The following GRID2 variants were observed in gnomAD, a reference collection of about 807,000 sequenced individuals.
The protein encoded by GRID2 is glutamate receptor ionotropic, delta-2.
In GRID2, 33 loss-of-function variants were observed where a neutral mutation model predicts 114.8. That is an observed-to-expected ratio of 0.29 (90% CI 0.22 to 0.38). The LOEUF (loss-of-function observed/expected upper bound fraction) is 0.38, where lower values mean the gene tolerates loss of function less well. Among genes scored for constraint, GRID2 ranks in the 10% least tolerant of loss-of-function variants. The pLI is 1.00. For synonymous variants in GRID2, 505 were observed against 449.9 expected (o/e 1.12, Z -1.55); for missense variants, 1,184 against 1,257.7 (o/e 0.94, Z 0.89).
intron 9 of GRID2, among the ~76,000 whole-genome samples, chr4:93,408,415 G>T (rs1226404833): frequency 1.3e-5 from 2 of 151,732 alleles, no homozygotes. Flanking sequence ...TTTCATCTAG[G>T]CAGGAAAGCA....
intron 4 of GRID2, among the ~76,000 whole-genome samples, chr4:93,122,890 GTTT>G (rs886185779): frequency 5.7e-5 from 4 of 69,804 alleles, no homozygotes; most frequent in Non-Finnish European, 1.0e-4. Context: ...ACAGATGTGG[GTTT>G]TTTTTTTTTT....
At chr4:92,715,750 C>G (rs1735513946) in intron 2 of GRID2, among the ~76,000 whole-genome samples, 1 of 152,126 alleles carries the variant, frequency 6.6e-6, no homozygotes, top group Non-Finnish European at 1.5e-5. Flanking sequence ...CCCAGTGATT[C>G]ACATACGTAT....
chr4:93,547,077 A>C (rs899058637), intron 13 of GRID2, among the ~76,000 whole-genome samples: 3 of 152,172 alleles, frequency 2.0e-5, no homozygotes, highest in Non-Finnish European at 4.4e-5. Flanking sequence ...AGCCAAGGCA[A>C]CCCTGTTCTC....
chr4:92,744,221 C>T (rs567979604), intron 2 of GRID2, among the ~76,000 whole-genome samples: 57 of 152,170 alleles, frequency 3.7e-4, no homozygotes, highest in African/African-American at 1.2e-3. Context: ...GGGCCAGGCA[C>T]GGTGGCTGAC....
chr4:93,423,074 G>T, intron 10 of GRID2, 106 bp downstream of exon 10: 1 of 761,522 alleles, frequency 1.3e-6, no homozygotes, highest in Non-Finnish European at 2.2e-6. Flanking sequence ...TATAAAATAA[G>T]TGTGATGTAT....
intron 8 of GRID2, among the ~76,000 whole-genome samples, chr4:93,305,011 A>G (rs942528927): frequency 4.6e-5 from 7 of 152,180 alleles, no homozygotes; most frequent in Non-Finnish European, 1.0e-4. Context: ...ATTTTGATTA[A>G]ATGTCCAAAT....
At chr4:93,341,189 C>T (rs1002040051) in intron 8 of GRID2, among the ~76,000 whole-genome samples, 10 of 152,066 alleles carry the variant, frequency 6.6e-5, no homozygotes, top group African/African-American at 2.4e-4. Flanking sequence ...CTATAGTAAA[C>T]AAGATAAAAG....
At chr4:92,968,770 G>T (rs1242681836) in intron 2 of GRID2, among the ~76,000 whole-genome samples, 1 of 151,646 alleles carries the variant, frequency 6.6e-6, no homozygotes, top group Non-Finnish European at 1.5e-5. Flanking sequence ...CTAGCCCTAG[G>T]CAACCACTAA....
intron 10 of GRID2, among the ~76,000 whole-genome samples, chr4:93,450,342 A>G (rs1000709552): frequency 6.6e-6 from 1 of 151,898 alleles, no homozygotes; most frequent in Non-Finnish European, 1.5e-5. Flanking sequence ...TAATTAGAAT[A>G]TTTCAAATGC....
intron 2 of GRID2, among the ~76,000 whole-genome samples, chr4:92,606,398 A>C (rs948938413): frequency 7.2e-5 from 11 of 152,076 alleles, no homozygotes; most frequent in South Asian, 2.1e-4. Flanking sequence ...AACCTTTAGA[A>C]TAGTGGCTAG....
chr4:92,919,671 T>A (rs553804421), intron 2 of GRID2, among the ~76,000 whole-genome samples: 10 of 152,234 alleles, frequency 6.6e-5, no homozygotes, highest in African/African-American at 2.2e-4. Context: ...TTTGAGTGAG[T>A]TTCTTAATCC....
chr4:93,332,793 C>T (rs1397087850), intron 8 of GRID2, among the ~76,000 whole-genome samples: 1 of 152,028 alleles, frequency 6.6e-6, no homozygotes, highest in Non-Finnish European at 1.5e-5. Context: ...TTTCTTGGAC[C>T]TAGGGGCTAA....
At chr4:93,658,667 A>G (rs1723226446) in intron 14 of GRID2, among the ~76,000 whole-genome samples, 1 of 152,166 alleles carries the variant, frequency 6.6e-6, no homozygotes, top group Non-Finnish European at 1.5e-5. Context: ...AAAATAAGCC[A>G]TCAGCATTAT....
At chr4:93,608,296 C>CTTTTTTTTTTTTTTCT (rs774334616) in intron 13 of GRID2, among the ~76,000 whole-genome samples, 1 of 117,008 alleles carries the variant, frequency 8.5e-6, no homozygotes, top group South Asian at 2.7e-4. Flanking sequence ...ATTTTTTTTT[C>CTTTTTTTTTTTTTTCT]TTTTTTTTTT....
intron 13 of GRID2, among the ~76,000 whole-genome samples, chr4:93,607,224 T>A (rs1740339723): frequency 6.6e-6 from 1 of 152,174 alleles, no homozygotes; most frequent in South Asian, 2.1e-4. Flanking sequence ...GCATTTTTAA[T>A]AACGTACTAA....
intron 2 of GRID2, among the ~76,000 whole-genome samples, chr4:92,680,361 T>C (rs1733591519): frequency 6.6e-6 from 1 of 152,148 alleles, no homozygotes; most frequent in Non-Finnish European, 1.5e-5. Flanking sequence ...TACTCTTCAG[T>C]GAACTGTAGG....
chr4:93,111,046 C>A (rs948566097), intron 4 of GRID2, 93 bp downstream of exon 4: 2 of 782,830 alleles, frequency 2.6e-6, no homozygotes, highest in South Asian at 1.6e-5. Context: ...AAGAGCAGTG[C>A]GAGGGAATTA....
chr4:93,203,357 C>T lies in GRID2; in HGVS notation c.736-4047C>T, dbSNP rs571707417. Among the ~76,000 whole-genome samples, 5 of 152,138 alleles carry T rather than the reference C, an allele frequency of 3.3e-5. No individual in the cohort carries two copies. In the East Asian group the frequency reaches 9.7e-4, roughly 29 times the overall value. The stretch of plus-strand genomic sequence containing the variant: ...TTTAACACATGATGTCACAATAATA[C>T]ATGGATTTTAGTTGTGTATATTACA... On this transcript the variant is annotated intron_variant, in intron 4 of 15. Coordinates refer to ENST00000282020, the MANE Select transcript of GRID2 (RefSeq NM_001510.4).
At chr4:92,978,872 A>T (rs1754023405) in intron 2 of GRID2, among the ~76,000 whole-genome samples, 1 of 151,982 alleles carries the variant, frequency 6.6e-6, no homozygotes. Context: ...ACAAATAAAA[A>T]ATTAGCCAGA....
Sources: gnomAD v4.1 joint callset for allele counts (sites outside exome capture counted in the v4.1 genomes callset) on GRCh38, gnomAD v4.1.1 for gene constraint, MANE v1.5 for transcripts, NCBI Gene and HGNC (gene_info 2026-07-23, HGNC 2026-07-21) for gene names.